The following THAP4 variants were observed in gnomAD, a reference collection of about 807,000 sequenced individuals.
The protein encoded by THAP4 is THAP domain containing 4.
THAP4 carries 18 observed loss-of-function variants against 48.1 expected under a neutral mutation model. The observed-to-expected ratio is 0.37, with a 90% confidence interval of 0.26 to 0.56. The LOEUF is 0.56. THAP4 is among the 20% of genes least tolerant of loss of function. THAP4 has a pLI of 0.78. For synonymous variants in THAP4, 345 were observed against 324.9 expected (o/e 1.06, Z -0.66); for missense variants, 656 against 774.9 (o/e 0.85, Z 1.82).
chr2:241,591,622 C>T (rs2066980046), intron 5 of THAP4, among the ~76,000 whole-genome samples: 1 of 152,128 alleles, frequency 6.6e-6, no homozygotes, highest in Non-Finnish European at 1.5e-5. Context: ...CATGGGTGAA[C>T]AGGGGGGCCG....
chr2:241,637,009 G>C lies in THAP4; in HGVS notation c.9C>G (p.Ile3Met). Residue 3 changes from isoleucine (I) to methionine (M), a missense_variant, in exon 1 of 6, where the codon ATC (isoleucine) becomes ATG (methionine). Transcript: ENST00000407315. ...TGGAGCAGTTCACGGCCGCACAGCA[G>C]ATCACCATCGCGGGCCTTGGCCCAG... MV[I>M]CCAAVNCSNR... 1 of 1,291,838 alleles carries C rather than the reference G, an allele frequency of 7.7e-7. No individual in the cohort carries two copies. The highest frequency in any genetic ancestry group is 1.0e-6 in the Non-Finnish European group (1 of 995,188). 80.0% of individuals were successfully genotyped at this position (1,291,838 alleles called of 1,614,324 possible).
chr2:241,615,485 G>A (rs959680375), intron 2 of THAP4, among the ~76,000 whole-genome samples: 2 of 152,252 alleles, frequency 1.3e-5, no homozygotes, highest in East Asian at 1.9e-4. Context: ...GGGATGTGGT[G>A]GGGAGTGAGG....
intron 2 of THAP4, among the ~76,000 whole-genome samples, chr2:241,628,747 A>C (rs113478252): frequency 0.01 from 1,507 of 150,672 alleles, 23 homozygotes; most frequent in African/African-American, 0.034. Flanking sequence ...AAAAAAAAAA[A>C]CAAAAAACAA....
chr2:241,623,556 G>A (rs1057176545), intron 2 of THAP4, among the ~76,000 whole-genome samples: 5 of 151,258 alleles, frequency 3.3e-5, no homozygotes, highest in African/African-American at 1.2e-4. Flanking sequence ...TTCAGCCTGG[G>A]TGTCAGAGCA....
chr2:241,593,391 C>G (rs1443507691), intron 5 of THAP4, among the ~76,000 whole-genome samples: 1 of 152,206 alleles, frequency 6.6e-6, no homozygotes, highest in Admixed American at 6.5e-5. Flanking sequence ...GCAACAGCCC[C>G]CGACTGGAAT....
chr2:241,590,077 G>A (rs1403017366), intron 5 of THAP4, among the ~76,000 whole-genome samples: 3 of 151,610 alleles, frequency 2.0e-5, no homozygotes, highest in South Asian at 4.2e-4. Flanking sequence ...GACGATGATG[G>A]GCACTAGGAC....
intron 2 of THAP4, among the ~76,000 whole-genome samples, chr2:241,619,660 T>G (rs990513939): frequency 6.6e-6 from 1 of 151,978 alleles, no homozygotes; most frequent in African/African-American, 2.4e-5. Context: ...TCTGGGTGAG[T>G]TGGTGAGTAA....
intron 5 of THAP4, among the ~76,000 whole-genome samples, chr2:241,585,698 C>T (rs1009657397): frequency 2.6e-5 from 4 of 151,704 alleles, no homozygotes; most frequent in Non-Finnish European, 5.9e-5. Flanking sequence ...CTAAGTGGGG[C>T]CTTCTCAGAC....
rs376998664 is a variant in THAP4 at position 241,619,062 on chromosome 2, C to T, written c.1241-12589G>A. Among the ~76,000 whole-genome samples the T allele has an allele frequency of 5.5e-4, 84 of 152,266 alleles. 3 individuals carry two copies. The South Asian group carries it at 0.017, about 30-fold the overall frequency. On this transcript the variant is annotated intron_variant, in intron 2 of 5. Coordinates refer to ENST00000407315, the MANE Select transcript of THAP4 (RefSeq NM_015963.6). ...GTGTGAAGGTCACGGCTCAGGGACA[C>T]GGGCCACTGAAGGGCTTAAATCGAG...
At chr2:241,587,562 G>A (rs1351047195) in intron 5 of THAP4, among the ~76,000 whole-genome samples, 1 of 152,190 alleles carries the variant, frequency 6.6e-6, no homozygotes, top group East Asian at 1.9e-4. Context: ...TATTCATGAA[G>A]TTAGGCCATA....
At chr2:241,593,175 G>T (rs2067007021) in intron 5 of THAP4, among the ~76,000 whole-genome samples, 1 of 152,110 alleles carries the variant, frequency 6.6e-6, no homozygotes, top group South Asian at 2.1e-4. Flanking sequence ...AGCCCACGAG[G>T]TGCAGGCTGC....
At chr2:241,617,559 G>T in intron 2 of THAP4, 1 of 1,142,388 alleles carries the variant, frequency 8.8e-7, no homozygotes, top group Non-Finnish European at 1.2e-6. Context: ...GGGAATTGTA[G>T]TTCCACTATG....
In THAP4 at chr2:241,601,218, C is replaced by T. The variant is rs372174323; in HGVS notation, c.1614+678G>A. ...GCTTGAACCTGAGAGGCGGTGGTTG[C>T]GATGAGCCGAGATCCCACCTTTGCA... On this transcript the variant is annotated intron_variant, in intron 5 of 5. Coordinates refer to ENST00000407315, the MANE Select transcript of THAP4 (RefSeq NM_015963.6). This position sits in a 1 kb window ranked among gnomAD's most constrained non-coding sequence, Gnocchi z 4.0. Among the ~76,000 whole-genome samples, 2 of 152,260 alleles carry T rather than the reference C, an allele frequency of 1.3e-5. No homozygotes were observed. Among genetic ancestry groups the T allele is most frequent in the Admixed American group, 6.5e-5 (1 of 15,298 alleles).
At chr2:241,600,983 A>G (rs1359411691) in intron 5 of THAP4, among the ~76,000 whole-genome samples, 1 of 152,000 alleles carries the variant, frequency 6.6e-6, no homozygotes, top group Non-Finnish European at 1.5e-5. Context: ...TTTAAAAAAA[A>G]AAAAGGACAA....
intron 5 of THAP4, among the ~76,000 whole-genome samples, chr2:241,585,930 G>GAAAAAAAAAAAAAA (rs1247935159): frequency 9.2e-6 from 1 of 108,988 alleles, no homozygotes; most frequent in Admixed American, 1.0e-4. Context: ...AAAAAAAAAA[G>GAAAAAAAAAAAAAA]AAAAAAAAAA....
intron 5 of THAP4, among the ~76,000 whole-genome samples, chr2:241,595,360 G>A (rs1285953200): frequency 2.0e-5 from 3 of 152,000 alleles, no homozygotes; most frequent in African/African-American, 7.2e-5. Flanking sequence ...TGAGACAGCC[G>A]GGTGCAGTGG....
Position 241,633,718 on chromosome 2 carries a change from C to T in THAP4, c.439G>A (p.Ala147Thr), listed in dbSNP as rs2067600624. The change falls in exon 2 of 6, where the codon GCT (alanine) becomes ACT (threonine). Residue 147 changes from alanine to threonine, a missense_variant. Around this residue, in one of 4 missense-constraint regions of THAP4, gnomAD observed 391 missense variants for 412.4 expected, o/e 0.95. Transcript: ENST00000407315. The surrounding 1 kb of genome is among the most constrained non-coding windows in gnomAD (Gnocchi z 7.5). ...GGTGTGGCTTCACCTTGCAGAGCAG[C>T]TTGCTTCAACCTGCGGGACTCTGGC... ...AKPESRRLKQ[A>T]ALQGEATPRA... The T allele has an allele frequency of 4.3e-6, 7 of 1,611,740 alleles. No homozygotes were observed. Among genetic ancestry groups the T allele is most frequent in the Non-Finnish European group, 5.1e-6 (6 of 1,179,142 alleles).
intron 5 of THAP4, among the ~76,000 whole-genome samples, chr2:241,593,909 C>T (rs772567932): frequency 6.6e-6 from 1 of 152,140 alleles, no homozygotes; most frequent in African/African-American, 2.4e-5. Flanking sequence ...TGGTCTTGAA[C>T]TCCTGGGCTC....
At chr2:241,620,574 T>C (rs1311769119) in intron 2 of THAP4, among the ~76,000 whole-genome samples, 5 of 127,994 alleles carry the variant, frequency 3.9e-5, no homozygotes, top group Admixed American at 3.2e-4. Flanking sequence ...AGTGAGTCGG[T>C]GAGTGAGGGG....
Sources: allele counts gnomAD v4.1 joint callset (sites outside exome capture counted in the v4.1 genomes callset), GRCh38; gene constraint gnomAD v4.1.1; regional missense constraint gnomAD v4.1.1; non-coding constraint Gnocchi (gnomAD v3.1); transcripts MANE v1.5; gene names NCBI Gene and HGNC (gene_info 2026-07-23, HGNC 2026-07-21).